Variants in DIAPH2 observed in about 807,000 individuals in gnomAD.
The protein encoded by DIAPH2 is protein diaphanous homolog 2.
In DIAPH2, 35 loss-of-function variants were observed where a neutral mutation model predicts 92.7. The observed-to-expected ratio is 0.38, with a 90% CI of 0.29 to 0.50. The LOEUF is 0.50. Ranked by LOEUF, DIAPH2 falls within the 20% of genes least tolerant of loss-of-function variation. The pLI is 0.94. For missense variants in DIAPH2, 701 were observed against 819.5 expected (o/e 0.86, Z 1.77); for synonymous variants, 301 against 280.4 (o/e 1.07, Z -0.73).
intron 4 of DIAPH2, among the ~76,000 whole-genome samples, chrX:96,779,157 C>T (rs1034982496): frequency 8.9e-6 from 1 of 111,935 alleles, no homozygotes; most frequent in Non-Finnish European, 1.9e-5. Context: ...TGGTATTCTT[C>T]TGTAAAGTAG....
intron 17 of DIAPH2, among the ~76,000 whole-genome samples, chrX:96,989,159 G>A (rs2066051594): frequency 9.0e-6 from 1 of 111,632 alleles, no homozygotes; most frequent in East Asian, 2.8e-4. Context: ...TTGTTCTTGT[G>A]GTTGATAGTA....
chrX:97,526,846 G>C (rs187281418), intron 26 of DIAPH2, among the ~76,000 whole-genome samples: 12 of 111,600 alleles, frequency 1.1e-4, no homozygotes, highest in African/African-American at 3.6e-4. Flanking sequence ...TATTCTACAA[G>C]CCTTTTTCCC....
At chrX:97,177,534 C>A (rs189343439) in intron 22 of DIAPH2, among the ~76,000 whole-genome samples, 1 of 110,892 alleles carries the variant, frequency 9.0e-6, no homozygotes, top group Non-Finnish European at 1.9e-5. Context: ...ACCCCATTTT[C>A]TTTTCCAGTT....
chrX:97,132,914 A>T (rs1285654703), intron 21 of DIAPH2, among the ~76,000 whole-genome samples: 1 of 106,132 alleles, frequency 9.4e-6, no homozygotes, highest in African/African-American at 3.4e-5. Flanking sequence ...GGATTAGGCA[A>T]TTTTTTTTTT....
At chrX:97,040,338 G>A (rs1399923383) in intron 17 of DIAPH2, among the ~76,000 whole-genome samples, 2 of 110,602 alleles carry the variant, frequency 1.8e-5, no homozygotes, top group Non-Finnish European at 3.8e-5. Context: ...ATGGTGTAGA[G>A]AAACATATTA....
intron 17 of DIAPH2, among the ~76,000 whole-genome samples, chrX:97,027,193 A>T (rs1317935531): frequency 2.7e-5 from 3 of 112,433 alleles, no homozygotes; most frequent in African/African-American, 9.7e-5. Flanking sequence ...GTGCCGAAGT[A>T]AATTATAAAT....
chrX:97,141,820 A>T (rs759072412), intron 22 of DIAPH2, 26 bp downstream of exon 22: 1 of 1,182,981 alleles, frequency 8.5e-7, no homozygotes, highest in Non-Finnish European at 1.1e-6. Context: ...CTACTTTGAG[A>T]TTATCTCTTG....
At chrX:96,874,368 A>G (rs2065164478) in intron 4 of DIAPH2, among the ~76,000 whole-genome samples, 1 of 111,906 alleles carries the variant, frequency 8.9e-6, no homozygotes, top group Admixed American at 9.5e-5. Context: ...CTCATAGAAA[A>G]TACTAGTGGA....
intron 22 of DIAPH2, among the ~76,000 whole-genome samples, chrX:97,193,258 C>T (rs1461764513): frequency 9.0e-6 from 1 of 110,889 alleles, no homozygotes; most frequent in Non-Finnish European, 1.9e-5. Flanking sequence ...AAGCAATCCT[C>T]CCGCCTCAGT....
At chrX:97,536,771 C>T (rs2071099058) in intron 26 of DIAPH2, among the ~76,000 whole-genome samples, 1 of 111,423 alleles carries the variant, frequency 9.0e-6, no homozygotes, top group South Asian at 3.7e-4. Context: ...AAGAGCATGT[C>T]ATCAGATTGA....
At chrX:96,843,009 G>A (rs141951064) in intron 4 of DIAPH2, among the ~76,000 whole-genome samples, 2 of 111,710 alleles carry the variant, frequency 1.8e-5, no homozygotes, top group African/African-American at 6.5e-5. Flanking sequence ...GATACAGTTT[G>A]GATGTGTGTC....
chrX:97,595,048 C>A (rs779873142), intron 26 of DIAPH2, among the ~76,000 whole-genome samples: 1 of 112,009 alleles, frequency 8.9e-6, no homozygotes, highest in East Asian at 2.8e-4. Flanking sequence ...TTGCACACTC[C>A]CAGGTTACAT....
intron 20 of DIAPH2, among the ~76,000 whole-genome samples, chrX:97,104,257 A>G (rs2066924195): frequency 8.9e-6 from 1 of 111,780 alleles, no homozygotes; most frequent in Admixed American, 9.5e-5. Flanking sequence ...AATCAAGTGG[A>G]CTCTTTCAGT....
intron 17 of DIAPH2, among the ~76,000 whole-genome samples, chrX:97,055,608 T>C (rs1454192932): frequency 9.0e-6 from 1 of 110,888 alleles, no homozygotes; most frequent in East Asian, 2.8e-4. Flanking sequence ...GCAAGAAACA[T>C]AAGCACATAG....
At chrX:96,967,399 C>CATTCATTT (rs566870563) in intron 17 of DIAPH2, among the ~76,000 whole-genome samples, 1 of 87,439 alleles carries the variant, frequency 1.1e-5, no homozygotes, top group Non-Finnish European at 2.1e-5. Context: ...TTTATTTATT[C>CATTCATTT]ATTCATTCAT....
chrX:96,937,420 G>T, intron 11 of DIAPH2, 69 bp downstream of exon 11: 1 of 651,327 alleles, frequency 1.5e-6, no homozygotes, highest in Non-Finnish European at 2.3e-6. Context: ...GCGATTTTGT[G>T]GAACATTATT....
At chrX:97,229,881 T>C (rs2067996245) in intron 22 of DIAPH2, among the ~76,000 whole-genome samples, 1 of 101,132 alleles carries the variant, frequency 9.9e-6, no homozygotes. Context: ...TAATAAGATG[T>C]AATATTGTTA....
chrX:96,717,378 T>G (rs956288357), intron 1 of DIAPH2, among the ~76,000 whole-genome samples: 1 of 111,011 alleles, frequency 9.0e-6, no homozygotes, highest in Non-Finnish European at 1.9e-5. Flanking sequence ...GAAGTCTGAC[T>G]GTTACTGTGG....
chrX:97,025,992 A>G (rs1460032064), intron 17 of DIAPH2, among the ~76,000 whole-genome samples: 2 of 112,020 alleles, frequency 1.8e-5, no homozygotes, highest in Non-Finnish European at 3.8e-5. Flanking sequence ...CACTCCAAAC[A>G]GACCCTGATT....
Sources: gnomAD v4.1 joint callset for allele counts (sites outside exome capture counted in the v4.1 genomes callset) on GRCh38, gnomAD v4.1.1 for gene constraint, MANE v1.5 for transcripts, NCBI Gene and HGNC (gene_info 2026-07-23, HGNC 2026-07-21) for gene names.